Variants in MTUS1 observed in about 807,000 individuals in gnomAD.
The protein encoded by MTUS1 is microtubule-associated tumor suppressor 1.
In MTUS1, 109 loss-of-function variants were observed where a neutral mutation model predicts 120.8. The observed-to-expected ratio is 0.90, with a 90% CI of 0.77 to 1.06. MTUS1 has a LOEUF of 1.06. Ranked by LOEUF, MTUS1 falls within the 50% of genes least tolerant of loss-of-function variation. The probability of loss-of-function intolerance (pLI) is 0.00; values close to 1 mark genes in which losing one functional copy is unlikely to be tolerated. For missense variants in MTUS1, 2,210 were observed against 1,486.3 expected (o/e 1.49, Z -8.01); for synonymous variants, 737 against 550.5 (o/e 1.34, Z -4.74).
chr8:17,725,678 TTG>T (rs371844881), intron 3 of MTUS1, among the ~76,000 whole-genome samples: 136 of 152,264 alleles, frequency 8.9e-4, no homozygotes, highest in Non-Finnish European at 1.7e-3. Flanking sequence ...AATCTAAAAT[TTG>T]GGATTCTCCA....
At chr8:17,767,700 T>TAAAAAAAA (rs112048837) in intron 1 of MTUS1, among the ~76,000 whole-genome samples, 29 of 87,862 alleles carry the variant, frequency 3.3e-4, no homozygotes, top group African/African-American at 1.2e-3. Context: ...CCCTGTCTCT[T>TAAAAAAAA]AAAAAAAAAA....
intron 4 of MTUS1, chr8:17,722,269 G>A (rs2045903789): frequency 3.0e-6 from 3 of 989,998 alleles, no homozygotes; most frequent in Non-Finnish European, 3.6e-6. Context: ...ACACGGGGCT[G>A]TGGCACTACA....
At position 17,697,219 on chromosome 8, in the gene MTUS1, C is replaced by G. The variant is rs368654263; in HGVS notation, c.2624-12677G>C. 173 of 1,555,220 alleles carry G rather than the reference C, an allele frequency of 1.1e-4. No homozygotes were observed. The African/African-American group carries it at 2.1e-3, about 19-fold the overall frequency. On this transcript the variant is annotated intron_variant, in intron 6 of 14. Coordinates refer to ENST00000693296, the MANE Select transcript of MTUS1 (RefSeq NM_001363059.2). ...CATCTGCAAATTAATGAAGACATCCCCCGTGCAACACTAAACAGAGATCTA... is the reference window on the plus strand; with the variant it reads ...CATCTGCAAATTAATGAAGACATCCGCCGTGCAACACTAAACAGAGATCTA...
chr8:17,755,783 T>G lies in MTUS1; in HGVS notation c.25A>C (p.Lys9Gln). The change falls in exon 2 of 15, where the codon AAA (lysine) becomes CAA (glutamine). Residue 9 changes from lysine (K) to glutamine (Q), a missense_variant. Transcript: ENST00000693296. The part of the protein sequence containing the change: MTDDNSDD[K>Q]IEDELQTFFT... ...AAGGTTTGCAATTCATCTTCTATTT[T>G]ATCATCTGAATTATCATCAGTCATC... 6.2e-7 allele frequency: 1 copy of G among 1,613,568 alleles called. No individual in the cohort carries two copies. Among genetic ancestry groups the G allele is most frequent in the South Asian group, 1.1e-5 (1 of 91,032 alleles).
At chr8:17,676,070 C>G (rs1487953591) in intron 7 of MTUS1, 8 of 571,440 alleles carry the variant, frequency 1.4e-5, no homozygotes, top group Non-Finnish European at 2.5e-5. Flanking sequence ...TGAAGAATTT[C>G]AAAGCTCGCT....
At chr8:17,724,202 A>G (rs1385533664) in intron 3 of MTUS1, 1 of 427,508 alleles carries the variant, frequency 2.3e-6, no homozygotes, top group Non-Finnish European at 4.5e-6. Flanking sequence ...GACCCCCCAT[A>G]CTGGTGACTA....
In MTUS1 at chr8:17,655,887, C is replaced by T. The variant is rs751065911; in HGVS notation, c.3084G>A (p.Lys1028=). The change falls in exon 9 of 15, where the codon AAG becomes AAA. Residue 1028 remains lysine, a synonymous_variant. Transcript: ENST00000693296. ...LRDTYIEEAE[K]YKMQLQEQFD... is the part of the protein sequence containing the mutation. ...CCTGCTCTTGCAATTGCATTTTGTACTTCTCTGCTTCTTCAATGTAAGTGT... is the reference window on the plus strand; with the variant it reads ...CCTGCTCTTGCAATTGCATTTTGTATTTCTCTGCTTCTTCAATGTAAGTGT... 9 of 1,614,228 alleles carry T rather than the reference C, an allele frequency of 5.6e-6. No individual in the cohort carries two copies. The highest frequency in any genetic ancestry group is 1.1e-5 in the South Asian group (1 of 91,086).
chr8:17,729,621 T>TGTACACA (rs2046427208), intron 3 of MTUS1, among the ~76,000 whole-genome samples: 1 of 152,190 alleles, frequency 6.6e-6, no homozygotes, highest in South Asian at 2.1e-4. Context: ...TCTGAACAAG[T>TGTACACA]GTACACATGT....
chr8:17,796,176 C>T (rs977209486), intron 1 of MTUS1, among the ~76,000 whole-genome samples: 1 of 15,996 alleles, frequency 6.3e-5, no homozygotes, highest in African/African-American at 2.5e-4. Context: ...GTCTAGAACT[C>T]CTGACCTGAA....
At chr8:17,699,343 T>G (rs1054962777) in intron 6 of MTUS1, among the ~76,000 whole-genome samples, 1 of 152,120 alleles carries the variant, frequency 6.6e-6, no homozygotes, top group Non-Finnish European at 1.5e-5. Flanking sequence ...TCAGCCTCCG[T>G]AGATGGGATT....
At chr8:17,652,669 C>T (rs1157027683) in intron 12 of MTUS1, among the ~76,000 whole-genome samples, 1 of 152,012 alleles carries the variant, frequency 6.6e-6, no homozygotes, top group East Asian at 1.9e-4. Flanking sequence ...AATCCCATCT[C>T]TACTAAAAAT....
intron 3 of MTUS1, among the ~76,000 whole-genome samples, chr8:17,730,879 T>G (rs975998024): frequency 6.6e-6 from 1 of 152,162 alleles, no homozygotes; most frequent in Non-Finnish European, 1.5e-5. Context: ...AACAAAGTTC[T>G]GGAGATGGAT....
rs145448012 is a variant in MTUS1, at chr8:17,658,337, T to C, written c.2906-2272A>G. Among the ~76,000 whole-genome samples, 1,244 of 152,226 alleles carry C rather than the reference T, an allele frequency of 8.2e-3. 12 individuals carry two copies. The highest frequency in any genetic ancestry group is 0.022 in the African/African-American group (894 of 41,540). On this transcript the variant is annotated intron_variant, in intron 8 of 14. Transcript: ENST00000693296. Reference sequence around the variant, plus strand: ...GGGCAAAGTAATCTGATACACATAATTGAAAATCAGAACATCTTAGCTCTT... The same window carrying C: ...GGGCAAAGTAATCTGATACACATAACTGAAAATCAGAACATCTTAGCTCTT...
chr8:17,790,341 C>T (rs2051670065), intron 1 of MTUS1, among the ~76,000 whole-genome samples: 1 of 81,128 alleles, frequency 1.2e-5, no homozygotes, highest in Non-Finnish European at 3.4e-5. Context: ...GAGCAAGATT[C>T]CCTTTCAAAA....
intron 8 of MTUS1, among the ~76,000 whole-genome samples, chr8:17,667,400 T>C (rs549540973): frequency 1.3e-5 from 2 of 152,344 alleles, no homozygotes; most frequent in East Asian, 1.9e-4. Context: ...TTAAAAATTA[T>C]TTTAAATACA....
At chr8:17,711,965 T>G (rs1821389227) in intron 6 of MTUS1, among the ~76,000 whole-genome samples, 1 of 152,208 alleles carries the variant, frequency 6.6e-6, no homozygotes, top group Admixed American at 6.5e-5. Flanking sequence ...CTGTGTTCAC[T>G]GTCTTAGATG....
chr8:17,741,940 G>A (rs948307895), intron 3 of MTUS1, among the ~76,000 whole-genome samples: 2 of 152,212 alleles, frequency 1.3e-5, no homozygotes, highest in African/African-American at 4.8e-5. Context: ...TGGGGCCAGA[G>A]TGGAACTAAA....
At chr8:17,709,050 C>A (rs187520422) in intron 6 of MTUS1, 5 of 151,704 alleles carry the variant, frequency 3.3e-5, no homozygotes, top group Admixed American at 1.3e-4. Flanking sequence ...GGCAGGAGAA[C>A]GGCGTGAACC....
chr8:17,769,109 G>A (rs1312929824), intron 1 of MTUS1, among the ~76,000 whole-genome samples: 5 of 151,942 alleles, frequency 3.3e-5, no homozygotes, highest in African/African-American at 7.2e-5. Context: ...ACAGCACCCC[G>A]AAGGAGAAGC....
Sources: allele counts gnomAD v4.1 joint callset (sites outside exome capture counted in the v4.1 genomes callset), GRCh38; gene constraint gnomAD v4.1.1; transcripts MANE v1.5; gene names NCBI Gene and HGNC (gene_info 2026-07-23, HGNC 2026-07-21).